The following GSK3B variants were observed in gnomAD, a reference collection of about 807,000 sequenced individuals.
GSK3B encodes the protein glycogen synthase kinase 3 beta.
GSK3B carries 15 observed loss-of-function variants against 56.4 expected under a neutral mutation model. That is an observed-to-expected ratio of 0.27 (90% CI 0.18 to 0.41). The LOEUF is 0.41. Ranked by LOEUF, GSK3B falls within the 10% of genes least tolerant of loss-of-function variation. GSK3B has a pLI of 1.00. For synonymous variants in GSK3B, 181 were observed against 188.9 expected, an observed-to-expected ratio of 0.96 and a Z score of 0.34; for missense variants, 300 against 513.4, an observed-to-expected ratio of 0.58 and a Z score of 4.02.
chr3:120,088,648 A>AC (rs2058485621), intron 1 of GSK3B, among the ~76,000 whole-genome samples: 1 of 152,206 alleles, frequency 6.6e-6, no homozygotes, highest in African/African-American at 2.4e-5. Flanking sequence ...ACACACACAC[A>AC]AAAAATCAGC....
At chr3:119,869,108 C>T (rs2056219052) in intron 8 of GSK3B, among the ~76,000 whole-genome samples, 1 of 149,436 alleles carries the variant, frequency 6.7e-6, no homozygotes, top group Non-Finnish European at 1.5e-5. Context: ...CCTGTAATCC[C>T]AGCTACTCGG....
intron 1 of GSK3B, among the ~76,000 whole-genome samples, chr3:120,084,397 C>T (rs1468241257): frequency 1.3e-5 from 2 of 152,098 alleles, no homozygotes; most frequent in African/African-American, 4.8e-5. Context: ...CTAGAGGAAA[C>T]AGCTGTCATA....
chr3:119,982,873 C>T (rs2057477536), intron 2 of GSK3B, among the ~76,000 whole-genome samples: 1 of 152,090 alleles, frequency 6.6e-6, no homozygotes, highest in African/African-American at 2.4e-5. Flanking sequence ...AAAGATACTC[C>T]AAGAGAAGAG....
rs973453267 is a variant in GSK3B, at chr3:119,826,198, G to A, written c.*590C>T. 1 of 265,078 alleles carries A rather than the reference G, an allele frequency of 3.8e-6. No individual in the cohort carries two copies. The highest frequency in any genetic ancestry group is 6.0e-5 in the East Asian group (1 of 16,668). 16.4% of individuals were successfully genotyped at this position (265,078 alleles called of 1,614,324 possible). On this transcript the variant is annotated 3_prime_UTR_variant, in exon 11 of 11. Coordinates refer to ENST00000264235, the MANE Select transcript of GSK3B (RefSeq NM_001146156.2). ...AACTTTATTGACCTCCCTGGGTTACGAATGATACACATTTCTTTGTCTGCC... is the reference window on the plus strand; with the variant it reads ...AACTTTATTGACCTCCCTGGGTTACAAATGATACACATTTCTTTGTCTGCC...
chr3:120,071,133 T>C (rs1357375571), intron 1 of GSK3B, among the ~76,000 whole-genome samples: 1 of 152,232 alleles, frequency 6.6e-6, no homozygotes, highest in Admixed American at 6.5e-5. Context: ...CCACAGACTA[T>C]TTATTACAGC....
At chr3:119,849,367 T>C (rs1219155948) in intron 9 of GSK3B, among the ~76,000 whole-genome samples, 1 of 152,284 alleles carries the variant, frequency 6.6e-6, no homozygotes, top group African/African-American at 2.4e-5. Flanking sequence ...GGCAACCACT[T>C]AGGACAGGGG....
rs141258267 is a variant in GSK3B, at chr3:119,839,558, A to G, written c.1195+3697T>C. On this transcript the variant is annotated intron_variant, in intron 10 of 10. Coordinates refer to ENST00000264235, the MANE Select transcript of GSK3B (RefSeq NM_001146156.2). ...TATACTTGACAGTACCTGAATTGCA[A>G]TGATGCTGAGCAACAACAGGAATGG... Among the ~76,000 whole-genome samples the G allele has an allele frequency of 1.4e-4, 22 of 152,318 alleles. No homozygotes were observed. The East Asian group carries it at 3.7e-3, about 25-fold the overall frequency.
rs921842453 is a variant in GSK3B at position 119,826,506 on chromosome 3, C to T, written c.*282G>A. 7.3e-6 allele frequency: 4 copies of T among 545,756 alleles called. No homozygotes were observed. The highest frequency in any genetic ancestry group is 4.1e-5 in the South Asian group (2 of 49,246). 33.8% of individuals were successfully genotyped at this position (545,756 alleles called of 1,614,324 possible). On this transcript the variant is annotated 3_prime_UTR_variant, in exon 11 of 11. Coordinates refer to ENST00000264235, the MANE Select transcript of GSK3B (RefSeq NM_001146156.2). ...CAGACTTTTAATAAAAAAAGATTGT[C>T]GTGGGAGAGAGATTGTATGTTCTAG...
At chr3:119,887,651 G>A (rs1167465698) in intron 7 of GSK3B, among the ~76,000 whole-genome samples, 1 of 152,076 alleles carries the variant, frequency 6.6e-6, no homozygotes, top group Non-Finnish European at 1.5e-5. Context: ...ATGGTGGGAA[G>A]TATGGGGTGG....
intron 2 of GSK3B, among the ~76,000 whole-genome samples, chr3:119,975,750 C>T (rs994009145): frequency 6.6e-6 from 1 of 152,122 alleles, no homozygotes; most frequent in Non-Finnish European, 1.5e-5. Flanking sequence ...ATAAGGCAAA[C>T]TCTAAACTTT....
intron 3 of GSK3B, among the ~76,000 whole-genome samples, chr3:119,940,958 C>A (rs928625869): frequency 6.6e-6 from 1 of 151,710 alleles, no homozygotes; most frequent in Non-Finnish European, 1.5e-5. Context: ...GTATCTCATA[C>A]CTTTTAGCTA....
intron 2 of GSK3B, among the ~76,000 whole-genome samples, chr3:119,948,389 G>A (rs1182321829): frequency 6.6e-6 from 1 of 152,178 alleles, no homozygotes; most frequent in Non-Finnish European, 1.5e-5. Flanking sequence ...GATGAGAGCA[G>A]AAGTGAATGT....
At position 119,825,570 on chromosome 3, in the gene GSK3B, CTG is replaced by C. The variant is rs1425601258; in HGVS notation, c.*1216_*1217del. 1.3e-5 allele frequency: 3 copies of C among 227,920 alleles called. No homozygotes were observed. The highest frequency in any genetic ancestry group is 1.1e-4 in the Admixed American group (2 of 17,598). The allele number at this position is 227,920 out of a possible 1,614,324, so 14.1% of individuals were successfully genotyped here. On this transcript the variant is annotated 3_prime_UTR_variant, in exon 11 of 11. Coordinates refer to ENST00000264235, the MANE Select transcript of GSK3B (RefSeq NM_001146156.2). ...CTATAAAGTCAGCAGGTATAAGTGA[CTG>C]TATCATTCTGATGTGTAGTTTTTAA...
At chr3:120,079,305 TAC>T (rs61338597) in intron 1 of GSK3B, among the ~76,000 whole-genome samples, 15,890 of 128,018 alleles carry the variant, frequency 0.12, 1,114 homozygotes, top group Middle Eastern at 0.17. Context: ...GACAGGAAAT[TAC>T]ACACACACAC....
At chr3:119,951,046 G>C (rs140226740) in intron 2 of GSK3B, among the ~76,000 whole-genome samples, 301 of 152,282 alleles carry the variant, frequency 2.0e-3, no homozygotes, top group African/African-American at 7.0e-3. Flanking sequence ...GTCCCAGTTA[G>C]AGAAAATGAC....
intron 1 of GSK3B, among the ~76,000 whole-genome samples, chr3:120,010,784 A>G (rs775512148): frequency 2.6e-5 from 4 of 152,130 alleles, no homozygotes; most frequent in Non-Finnish European, 4.4e-5. Context: ...AAATAAATAA[A>G]TGGCCAGGCA....
intron 9 of GSK3B, among the ~76,000 whole-genome samples, chr3:119,858,437 G>A (rs114230755): frequency 0.026 from 3,942 of 152,262 alleles, 175 homozygotes; most frequent in African/African-American, 0.089. Flanking sequence ...TATGGAAATG[G>A]CTTCCTTCCT....
At chr3:120,002,593 C>T (rs2057689692) in intron 1 of GSK3B, among the ~76,000 whole-genome samples, 1 of 152,178 alleles carries the variant, frequency 6.6e-6, no homozygotes, top group Admixed American at 6.5e-5. Flanking sequence ...CCCTCCTTGG[C>T]CTCCAAAGTG....
At chr3:120,066,278 A>G (rs1229665329) in intron 1 of GSK3B, among the ~76,000 whole-genome samples, 1 of 152,110 alleles carries the variant, frequency 6.6e-6, no homozygotes, top group Non-Finnish European at 1.5e-5. Context: ...TAGAGTAATG[A>G]CTGGTTCTAG....
Sources: allele counts gnomAD v4.1 joint callset (sites outside exome capture counted in the v4.1 genomes callset), GRCh38; gene constraint gnomAD v4.1.1; transcripts MANE v1.5; gene names NCBI Gene and HGNC (gene_info 2026-07-23, HGNC 2026-07-21).